Variants in CNTN5 observed in about 807,000 individuals in gnomAD.
CNTN5 encodes contactin 5.
In CNTN5, 77 loss-of-function variants were observed where a neutral mutation model predicts 129.1. The observed-to-expected ratio is 0.60, with a 90% CI of 0.50 to 0.72. CNTN5 has a LOEUF of 0.72. CNTN5 is among the 30% of genes least tolerant of loss of function. The pLI, the probability that CNTN5 is intolerant of heterozygous loss-of-function variation, is 0.00. For missense variants in CNTN5, 1,478 were observed against 1,328.8 expected (o/e 1.11, Z -1.75); for synonymous variants, 509 against 465.6 (o/e 1.09, Z -1.20).
chr11:99,075,731 A>G (rs1865536902), intron 1 of CNTN5, among the ~76,000 whole-genome samples: 1 of 152,164 alleles, frequency 6.6e-6, no homozygotes, highest in Non-Finnish European at 1.5e-5. Context: ...AGAAAGTAAA[A>G]CTCTGGTTTA....
At chr11:99,624,507 G>C (rs1269296422) in intron 3 of CNTN5, among the ~76,000 whole-genome samples, 1 of 151,968 alleles carries the variant, frequency 6.6e-6, no homozygotes, top group Non-Finnish European at 1.5e-5. Flanking sequence ...CAGATGAGGT[G>C]GTGGGTTTTG....
intron 3 of CNTN5, among the ~76,000 whole-genome samples, chr11:99,751,348 T>C (rs557340754): frequency 6.6e-6 from 1 of 151,990 alleles, no homozygotes; most frequent in East Asian, 1.9e-4. Context: ...AAAAAATAAA[T>C]TAATTAATTC....
intron 3 of CNTN5, among the ~76,000 whole-genome samples, chr11:99,817,129 G>A (rs182510007): frequency 1.7e-4 from 26 of 152,146 alleles, no homozygotes; most frequent in Admixed American, 7.2e-4. Flanking sequence ...CCACTAGATC[G>A]TAGCTCCTTG....
intron 13 of CNTN5, among the ~76,000 whole-genome samples, chr11:100,180,034 G>A (rs1026752221): frequency 6.6e-6 from 1 of 151,964 alleles, no homozygotes; most frequent in African/African-American, 2.4e-5. Flanking sequence ...TTGAGGTGGG[G>A]CAGATACTTC....
Position 99,960,358 on chromosome 11 carries a change from G to GT in CNTN5, c.877+3357dup, listed in dbSNP as rs200956282. 8.7e-4 allele frequency among the ~76,000 whole-genome samples: 121 copies of GT among 139,052 alleles called. 1 individual carries two copies. Among genetic ancestry groups the GT allele is most frequent in the Admixed American group, 4.8e-3 (68 of 14,220 alleles). The allele number at this position is 139,052 out of a possible 152,430, so 91.2% of individuals were successfully genotyped here. On this transcript the variant is annotated intron_variant, in intron 8 of 24. Transcript: ENST00000524871. The stretch of plus-strand genomic sequence containing the variant: ...TTCATCTTTCCTAAGCTACTTTTAT[G>GT]TTTTTTTTCTTCTACTTGTATTTTG...
intron 1 of CNTN5, among the ~76,000 whole-genome samples, chr11:99,042,110 G>T (rs1864007191): frequency 6.6e-6 from 1 of 152,070 alleles, no homozygotes; most frequent in Non-Finnish European, 1.5e-5. Context: ...AGCATAGCAT[G>T]TATCATTATA....
chr11:99,220,926 C>T (rs549086930), intron 1 of CNTN5, among the ~76,000 whole-genome samples: 2 of 151,102 alleles, frequency 1.3e-5, no homozygotes, highest in Non-Finnish European at 3.0e-5. Context: ...TTGTCCAATG[C>T]AGAAGCAGAA....
chr11:99,451,755 A>C (rs2656177), intron 2 of CNTN5, among the ~76,000 whole-genome samples: 78,061 of 151,940 alleles, frequency 0.51, 20,524 homozygotes, highest in East Asian at 0.65. Flanking sequence ...AACATGCTGT[A>C]TACACACTTT....
rs562246865 is a variant in CNTN5, at chr11:99,633,306, A to G, written c.55+77037A>G. ...GACGCATACAGGCCTTGCTCCTGCT[A>G]TGCCTGCATTGTATAGTAATGGCAT... is the stretch of plus-strand genomic sequence containing the variant. On this transcript the variant is annotated intron_variant, in intron 3 of 24. Transcript: ENST00000524871. 1.9e-3 allele frequency among the ~76,000 whole-genome samples: 282 copies of G among 152,340 alleles called. 1 individual carries two copies. The highest frequency in any genetic ancestry group is 6.4e-3 in the African/African-American group (265 of 41,572).
chr11:99,090,274 C>T (rs57241391), intron 1 of CNTN5, among the ~76,000 whole-genome samples: 4,512 of 152,090 alleles, frequency 0.03, 215 homozygotes, highest in African/African-American at 0.1. Flanking sequence ...TGTCTTATTA[C>T]AAAGTAAGTA....
At chr11:99,330,904 T>G (rs539387673) in intron 2 of CNTN5, among the ~76,000 whole-genome samples, 2 of 151,998 alleles carry the variant, frequency 1.3e-5, no homozygotes, top group South Asian at 2.1e-4. Context: ...TGACCTAAAC[T>G]TGATAAAGGA....
At chr11:99,848,859 C>A (rs1001806241) in intron 6 of CNTN5, among the ~76,000 whole-genome samples, 2 of 152,120 alleles carry the variant, frequency 1.3e-5, no homozygotes, top group Admixed American at 1.3e-4. Flanking sequence ...AGGTACCAAC[C>A]AAATGAGTTT....
chr11:99,279,608 T>G (rs748759853), intron 1 of CNTN5, among the ~76,000 whole-genome samples: 23 of 151,776 alleles, frequency 1.5e-4, no homozygotes, highest in Non-Finnish European at 2.5e-4. Context: ...ATTGGACTGA[T>G]ATGGTTGTCA....
At chr11:100,021,243 G>A (rs1280819193) in intron 9 of CNTN5, among the ~76,000 whole-genome samples, 1 of 152,092 alleles carries the variant, frequency 6.6e-6, no homozygotes, top group Admixed American at 6.6e-5. Context: ...AGAATTTGTT[G>A]TATTTTGGTA....
chr11:99,972,218 G>A (rs967979328), intron 8 of CNTN5, among the ~76,000 whole-genome samples: 3 of 151,848 alleles, frequency 2.0e-5, no homozygotes, highest in East Asian at 1.9e-4. Context: ...CCGAGATTGC[G>A]CCACTGCACT....
At chr11:99,882,002 C>T (rs1034745771) in intron 6 of CNTN5, among the ~76,000 whole-genome samples, 4 of 152,132 alleles carry the variant, frequency 2.6e-5, no homozygotes, top group African/African-American at 9.7e-5. Context: ...CAACAGAAGC[C>T]TGACAGATAA....
chr11:99,728,648 C>T (rs1001604418), intron 3 of CNTN5, among the ~76,000 whole-genome samples: 1 of 152,168 alleles, frequency 6.6e-6, no homozygotes, highest in Non-Finnish European at 1.5e-5. Flanking sequence ...TGCTTGTTCT[C>T]CTCAGATGGT....
intron 2 of CNTN5, among the ~76,000 whole-genome samples, chr11:99,472,817 C>T (rs1272707450): frequency 1.3e-5 from 2 of 152,062 alleles, no homozygotes; most frequent in African/African-American, 2.4e-5. Flanking sequence ...CATGTGCACA[C>T]ATTACAAAAC....
chr11:99,191,516 A>G (rs1314746991), intron 1 of CNTN5, among the ~76,000 whole-genome samples: 1 of 151,770 alleles, frequency 6.6e-6, no homozygotes, highest in Non-Finnish European at 1.5e-5. Context: ...ACCCCTGGAG[A>G]ATCTTCTTAA....
Sources: allele counts gnomAD v4.1 joint callset (sites outside exome capture counted in the v4.1 genomes callset), GRCh38; gene constraint gnomAD v4.1.1; transcripts MANE v1.5; gene names NCBI Gene and HGNC (gene_info 2026-07-23, HGNC 2026-07-21).